The following CDC73 variants were observed in gnomAD, a reference collection of about 807,000 sequenced individuals.
CDC73 encodes cell division cycle 73.
In CDC73, 21 loss-of-function variants were observed where a neutral mutation model predicts 83.7. The ratio of observed to expected loss-of-function variants is 0.25; its 90% confidence interval spans 0.18 to 0.36. The LOEUF is 0.36. Among genes scored for constraint, CDC73 ranks in the 10% least tolerant of loss-of-function variants. The pLI, the probability that CDC73 is intolerant of heterozygous loss-of-function variation, is 1.00. For synonymous variants in CDC73, 224 were observed against 212.9 expected (o/e 1.05, Z -0.45); for missense variants, 342 against 653.3 (o/e 0.52, Z 5.19).
intron 4 of CDC73, 31 bp from the exon 5 acceptor site, chr1:193,135,506 A>G (rs1675776391): frequency 1.9e-6 from 3 of 1,611,542 alleles, no homozygotes; most frequent in Non-Finnish European, 2.5e-6. Context: ...TTCCAAAACT[A>G]CACATTTATT....
chr1:193,251,768 A>C lies in CDC73; in HGVS notation c.*1056A>C, dbSNP rs548106852. On this transcript the variant is annotated 3_prime_UTR_variant, in exon 17 of 17. Coordinates refer to ENST00000367435, the MANE Select transcript of CDC73 (RefSeq NM_024529.5). Reference sequence around the variant, plus strand: ...TTTTAACTTAGTGAAATATTTTACTATTTCTCTACTTCAGACAAAATGTTG... The same window carrying C: ...TTTTAACTTAGTGAAATATTTTACTCTTTCTCTACTTCAGACAAAATGTTG... 1.9e-4 allele frequency: 44 copies of C among 231,584 alleles called. No homozygotes were observed. The highest frequency in any genetic ancestry group is 6.8e-5 in the Non-Finnish European group (8 of 116,926). The allele number at this position is 231,584 out of a possible 1,614,324, so 14.3% of individuals were successfully genotyped here. A position where few individuals can be genotyped will look rare whatever the true frequency, so the allele number is the denominator to read the frequency against.
intron 10 of CDC73, among the ~76,000 whole-genome samples, chr1:193,188,484 A>G (rs1281812470): frequency 6.6e-6 from 1 of 152,090 alleles, no homozygotes; most frequent in Non-Finnish European, 1.5e-5. Flanking sequence ...ATACCCAGGA[A>G]TCATTAATAG....
rs1572139792 is a variant in CDC73, at chr1:193,122,272, A to G, written c.72A>G (p.Glu24=). 2 of 1,614,144 alleles carry G rather than the reference A, an allele frequency of 1.2e-6. No homozygotes were observed. Among genetic ancestry groups the G allele is most frequent in the African/African-American group, 1.3e-5 (1 of 75,078 alleles). ...AGGAGATTGTGGTGAAGGGAGACGA[A>G]GTGATCTTCGGGGAGTTCTCCTGGC... ...QKKEIVVKGD[E]VIFGEFSWPK... is the part of the protein sequence containing the mutation. Residue 24 remains glutamate (E), a synonymous_variant, in exon 1 of 17, where the codon GAA becomes GAG. Coordinates refer to ENST00000367435, the MANE Select transcript of CDC73 (RefSeq NM_024529.5).
At position 193,142,961 on chromosome 1, in the gene CDC73, GCA is replaced by G. The variant is rs759359988; in HGVS notation, c.729+898_729+899del. Among the ~76,000 whole-genome samples, 12 of 152,086 alleles carry G rather than the reference GCA, an allele frequency of 7.9e-5. No individual in the cohort carries two copies. The South Asian group carries it at 8.3e-4, about 11-fold the overall frequency. On this transcript the variant is annotated intron_variant, in intron 7 of 16. Transcript: ENST00000367435. Reference sequence around the variant, plus strand: ...TCTCTTAAATGTTTTCTCCACTGATGCACAGTTGTTAATAATGATGATCTAGT... The same window carrying G: ...TCTCTTAAATGTTTTCTCCACTGATGCAGTTGTTAATAATGATGATCTAGT...
intron 7 of CDC73, among the ~76,000 whole-genome samples, chr1:193,146,559 C>T (rs867893839): frequency 2.6e-5 from 4 of 152,002 alleles, no homozygotes; most frequent in African/African-American, 4.8e-5. Context: ...CTTACTCTTT[C>T]GGGAATCCGA....
chr1:193,124,760 GCTT>G (rs1675533425), intron 1 of CDC73, among the ~76,000 whole-genome samples: 1 of 152,156 alleles, frequency 6.6e-6, no homozygotes, highest in Non-Finnish European at 1.5e-5. Flanking sequence ...TGATAATTGT[GCTT>G]CTTCTAAGCA....
At chr1:193,223,729 C>G (rs1205264021) in intron 13 of CDC73, among the ~76,000 whole-genome samples, 1 of 152,080 alleles carries the variant, frequency 6.6e-6, no homozygotes, top group Non-Finnish European at 1.5e-5. Flanking sequence ...AATTGGTTTG[C>G]AAATCCAATG....
chr1:193,174,789 C>T (rs1388189742), intron 10 of CDC73, among the ~76,000 whole-genome samples: 1 of 152,212 alleles, frequency 6.6e-6, no homozygotes, highest in African/African-American at 2.4e-5. Flanking sequence ...TCATGAAGGC[C>T]TGTAGACCTT....
At chr1:193,244,372 A>AT (rs1161964329) in intron 15 of CDC73, among the ~76,000 whole-genome samples, 1 of 152,144 alleles carries the variant, frequency 6.6e-6, no homozygotes, top group African/African-American at 2.4e-5. Context: ...TAAAAATCAG[A>AT]TTTTTTACAC....
Position 193,208,781 on chromosome 1 carries a change from CA to C in CDC73, c.1031-3283del, listed in dbSNP as rs1349558019. Among the ~76,000 whole-genome samples the C allele has an allele frequency of 3.0e-4, 46 of 152,148 alleles. 1 individual carries two copies. The highest frequency in any genetic ancestry group is 2.9e-3 in the Admixed American group (45 of 15,268). ...TTCTTCCTTTCTTCTCTGTGGTCTA[CA>C]CATTTGTTTTGTTCAGTTCCCCAAG... On this transcript the variant is annotated intron_variant, in intron 11 of 16. Transcript: ENST00000367435.
At chr1:193,135,700 A>T in intron 5 of CDC73, 111 bp downstream of exon 5, 2 of 791,210 alleles carry the variant, frequency 2.5e-6, no homozygotes, top group Admixed American at 5.0e-5. Flanking sequence ...TTTTCTGGAA[A>T]AATTTTTGTG....
At chr1:193,218,145 A>G (rs551606729) in intron 13 of CDC73, among the ~76,000 whole-genome samples, 5 of 152,308 alleles carry the variant, frequency 3.3e-5, no homozygotes, top group Non-Finnish European at 5.9e-5. Context: ...ATTCAGTCCT[A>G]TTCACAGTAG....
intron 10 of CDC73, among the ~76,000 whole-genome samples, chr1:193,166,646 T>G (rs924765906): frequency 6.6e-6 from 1 of 151,818 alleles, no homozygotes; most frequent in East Asian, 1.9e-4. Context: ...TTTCACACTT[T>G]TTTTCTTTTT....
intron 10 of CDC73, chr1:193,186,160 A>T (rs1443942463): frequency 1.3e-5 from 2 of 153,072 alleles, no homozygotes; most frequent in African/African-American, 2.4e-5. Flanking sequence ...TTTTCACAGT[A>T]TCCAAAGTGT....
At chr1:193,249,124 C>T (rs997817158) in intron 15 of CDC73, among the ~76,000 whole-genome samples, 6 of 151,954 alleles carry the variant, frequency 3.9e-5, no homozygotes, top group Admixed American at 6.6e-5. Flanking sequence ...TTTCAGAAAT[C>T]GCTACAGCCA....
chr1:193,250,644 G>A, intron 16 of CDC73, 32 bp from the exon 17 acceptor site: 1 of 1,521,816 alleles, frequency 6.6e-7, no homozygotes, highest in Non-Finnish European at 9.1e-7. Context: ...AATTCCTATA[G>A]TCATTATAAC....
At chr1:193,221,988 G>A (rs910180558) in intron 13 of CDC73, among the ~76,000 whole-genome samples, 4 of 151,962 alleles carry the variant, frequency 2.6e-5, no homozygotes, top group Non-Finnish European at 2.9e-5. Flanking sequence ...TTAGTTTTAT[G>A]TACAACTGAG....
intron 7 of CDC73, among the ~76,000 whole-genome samples, chr1:193,147,585 G>C (rs547105151): frequency 6.6e-6 from 1 of 152,028 alleles, no homozygotes; most frequent in African/African-American, 2.4e-5. Flanking sequence ...AGCCAGGGTG[G>C]TCTCCATCTC....
chr1:193,230,143 CTTTTTTT>C (rs944930837), intron 13 of CDC73, among the ~76,000 whole-genome samples: 7 of 135,088 alleles, frequency 5.2e-5, no homozygotes, highest in East Asian at 4.2e-4. Flanking sequence ...CATTCCCATT[CTTTTTTT>C]TTTTTTTTTT....
Sources: gnomAD v4.1 joint callset for allele counts (sites outside exome capture counted in the v4.1 genomes callset) on GRCh38, gnomAD v4.1.1 for gene constraint, MANE v1.5 for transcripts, NCBI Gene and HGNC (gene_info 2026-07-23, HGNC 2026-07-21) for gene names.